RNF10: variants seen among roughly 807,000 people sequenced by gnomAD.
RNF10 encodes the protein ring finger protein 10, also known as E3 ubiquitin-protein ligase RNF10.
A neutral mutation model predicts 91.4 loss-of-function variants in RNF10; 38 were observed. That is an observed-to-expected ratio of 0.42 (90% CI 0.32 to 0.54). The LOEUF is 0.54. RNF10 is among the 20% of genes least tolerant of loss of function. RNF10 has a pLI of 0.16. For synonymous variants in RNF10, 364 were observed against 366.3 expected, an observed-to-expected ratio of 0.99 and a Z score of 0.07; for missense variants, 945 against 1,012.0, an observed-to-expected ratio of 0.93 and a Z score of 0.90.
At chr12:120,548,332 G>A (rs1315712581) in intron 2 of RNF10, among the ~76,000 whole-genome samples, 1 of 152,108 alleles carries the variant, frequency 6.6e-6, no homozygotes, top group Admixed American at 6.6e-5. Flanking sequence ...TAAGGAGTGA[G>A]TGTTCCAAAA....
intron 1 of RNF10, among the ~76,000 whole-genome samples, chr12:120,536,808 T>C (rs1050888377): frequency 6.6e-6 from 1 of 152,222 alleles, no homozygotes; most frequent in Non-Finnish European, 1.5e-5. Context: ...TTTCTGGGGC[T>C]CCTCTTTAAG....
chr12:120,536,592 T>C (rs953902950), intron 1 of RNF10, among the ~76,000 whole-genome samples: 1 of 152,206 alleles, frequency 6.6e-6, no homozygotes, highest in Non-Finnish European at 1.5e-5. Context: ...AAATGGCATG[T>C]ATGCAGACTG....
At chr12:120,559,600 G>A (rs186268712) in intron 6 of RNF10, among the ~76,000 whole-genome samples, 151 of 152,122 alleles carry the variant, frequency 9.9e-4, no homozygotes, top group African/African-American at 3.3e-3. Flanking sequence ...GGCCAGCATG[G>A]TCTCAATCTC....
rs1870457609 is a variant in RNF10 at position 120,534,648 on chromosome 12, C to T, written c.-164C>T. On this transcript the variant is annotated 5_prime_UTR_variant, in exon 1 of 17. Transcript: ENST00000325954. ...GGCTTAACAGCCCCGTCCGCCGCTT[C>T]TCTTCCTAGTTTGAGAAGCCAAGGA... 7.4e-7 allele frequency: 1 copy of T among 1,352,738 alleles called. No homozygotes were observed. The highest frequency in any genetic ancestry group is 9.4e-7 in the Non-Finnish European group (1 of 1,059,352). 83.8% of individuals were successfully genotyped at this position (1,352,738 alleles called of 1,614,324 possible).
chr12:120,539,805 T>C (rs534150533), intron 1 of RNF10, among the ~76,000 whole-genome samples: 4 of 152,264 alleles, frequency 2.6e-5, no homozygotes, highest in Admixed American at 6.5e-5. Context: ...GCAGTTGTTC[T>C]CAGTGGTGGC....
At chr12:120,565,328 C>A in intron 11 of RNF10, 100 bp from the exon 12 acceptor site, 1 of 1,207,092 alleles carries the variant, frequency 8.3e-7, no homozygotes, top group African/African-American at 1.5e-5. Context: ...TTCATCTAGT[C>A]CAGCTGGGCC....
chr12:120,571,125 A>G, intron 13 of RNF10, 66 bp from the exon 14 acceptor site: 1 of 1,052,230 alleles, frequency 9.5e-7, no homozygotes, highest in East Asian at 2.4e-5. Context: ...GGGCTCACTC[A>G]TCTCTCTTGT....
intron 1 of RNF10, chr12:120,535,569 TA>T (rs534378181): frequency 3.3e-5 from 5 of 152,174 alleles, no homozygotes; most frequent in Non-Finnish European, 7.3e-5. Context: ...TACTTACTTG[TA>T]AAGGTAGGTG....
chr12:120,551,241 C>T (rs983859413), intron 2 of RNF10, among the ~76,000 whole-genome samples: 1 of 150,242 alleles, frequency 6.7e-6, no homozygotes. Flanking sequence ...CCTCCTTGGC[C>T]TCCTAAAGCA....
At chr12:120,559,063 T>TTA (rs1017538151) in intron 6 of RNF10, among the ~76,000 whole-genome samples, 1 of 52,590 alleles carries the variant, frequency 1.9e-5, no homozygotes, top group Non-Finnish European at 4.9e-5. Context: ...TAATTTTAAA[T>TTA]TATTTTTTTT....
At chr12:120,554,848 C>T in intron 4 of RNF10, 40 bp downstream of exon 4, 3 of 1,501,684 alleles carry the variant, frequency 2.0e-6, no homozygotes, top group Non-Finnish European at 2.8e-6. Flanking sequence ...TGAATGGGAG[C>T]ACTAAATAAA....
Position 120,553,038 on chromosome 12 carries a change from GTTTTTTTTTTTTTTTTTTTT to G in RNF10, c.554+384_554+403del, listed in dbSNP as rs3049493. ...CTCTCCTTTATAAGGAAGAGGAAAGGTTTTTTTTTTTTTTTTTTTTTTTTTTTTTTTTTTTTTTTTTTTTT... is the reference window on the plus strand; with the variant it reads ...CTCTCCTTTATAAGGAAGAGGAAAGGTTTTTTTTTTTTTTTTTTTTTTTTT... On this transcript the variant is annotated intron_variant, in intron 3 of 16. Transcript: ENST00000325954. Among the ~76,000 whole-genome samples the G allele has an allele frequency of 7.1e-3, 642 of 90,988 alleles. 41 individuals carry two copies. The highest frequency in any genetic ancestry group is 0.026 in the African/African-American group (612 of 23,136). The allele number at this position is 90,988 out of a possible 152,430, so 59.7% of individuals were successfully genotyped here. A position where few individuals can be genotyped will look rare whatever the true frequency, so the allele number is the denominator to read the frequency against.
intron 14 of RNF10, chr12:120,574,370 T>C: frequency 2.2e-6 from 1 of 445,308 alleles, no homozygotes; most frequent in South Asian, 1.6e-5. Flanking sequence ...CAGTTGGGGC[T>C]CATAGTGGCC....
intron 2 of RNF10, among the ~76,000 whole-genome samples, chr12:120,548,193 A>G (rs1239029697): frequency 1.3e-5 from 2 of 152,230 alleles, no homozygotes; most frequent in African/African-American, 2.4e-5. Context: ...TTCCTATTTG[A>G]TAAATATAAG....
chr12:120,567,160 T>A (rs755704139), intron 13 of RNF10, among the ~76,000 whole-genome samples, 180 bp downstream of exon 13: 8 of 152,166 alleles, frequency 5.3e-5, no homozygotes, highest in African/African-American at 1.4e-4. Context: ...CTATACTGAC[T>A]GCTTTACCCT....
intron 13 of RNF10, among the ~76,000 whole-genome samples, chr12:120,568,562 G>T (rs1876121813): frequency 6.6e-6 from 1 of 150,776 alleles, no homozygotes; most frequent in African/African-American, 2.4e-5. Context: ...TGCAACCTCT[G>T]CCTCCCGGGT....
At chr12:120,552,803 A>G in intron 3 of RNF10, 105 bp downstream of exon 3, 2 of 981,484 alleles carry the variant, frequency 2.0e-6, no homozygotes, top group South Asian at 1.7e-5. Context: ...AAGAAGCAGA[A>G]AGGGAATTGG....
chr12:120,537,856 A>C (rs1211105153), intron 1 of RNF10, among the ~76,000 whole-genome samples: 2 of 152,122 alleles, frequency 1.3e-5, no homozygotes, highest in African/African-American at 4.8e-5. Context: ...GAACAAATTA[A>C]AAGGCAGGAT....
chr12:120,551,961 G>A (rs1049492049), intron 2 of RNF10, among the ~76,000 whole-genome samples: 7 of 151,866 alleles, frequency 4.6e-5, no homozygotes, highest in African/African-American at 1.2e-4. Flanking sequence ...GCGGGAGAAC[G>A]GGAAGCAGGC....
Sources: gnomAD v4.1 joint callset for allele counts (sites outside exome capture counted in the v4.1 genomes callset) on GRCh38, gnomAD v4.1.1 for gene constraint, MANE v1.5 for transcripts, NCBI Gene and HGNC (gene_info 2026-07-23, HGNC 2026-07-21) for gene names.